ARMC3: variants seen among roughly 807,000 people sequenced by gnomAD.
ARMC3 encodes armadillo repeat-containing protein 3.
In ARMC3, 74 loss-of-function variants were observed where a neutral mutation model predicts 90.3. That is an observed-to-expected ratio of 0.82 (90% CI 0.68 to 0.99). ARMC3 has a LOEUF of 0.99. ARMC3 is among the 50% of genes least tolerant of loss of function. The pLI, the probability that ARMC3 is intolerant of heterozygous loss-of-function variation, is 0.00. For synonymous variants in ARMC3, 334 were observed against 361.8 expected (o/e 0.92, Z 0.87); for missense variants, 958 against 1,042.8 (o/e 0.92, Z 1.12).
intron 16 of ARMC3, among the ~76,000 whole-genome samples, chr10:23,011,748 C>T (rs760866158): frequency 1.4e-4 from 22 of 152,172 alleles, no homozygotes; most frequent in Admixed American, 3.9e-4. Flanking sequence ...CCAAATCTGG[C>T]CCCAATTCCA....
chr10:22,942,176 A>G (rs1834349580), intron 2 of ARMC3, among the ~76,000 whole-genome samples: 1 of 152,152 alleles, frequency 6.6e-6, no homozygotes, highest in East Asian at 1.9e-4. Context: ...GAGGGAGTAA[A>G]TGGACTGGGG....
At chr10:22,968,248 T>C in intron 7 of ARMC3, 58 bp from the exon 8 acceptor site, 1 of 1,501,756 alleles carries the variant, frequency 6.7e-7, no homozygotes. Context: ...TGTAGTCAAA[T>C]TTGGGAAGTG....
chr10:22,979,055 A>T lies in ARMC3; in HGVS notation c.917-2285A>T, dbSNP rs574837840. On this transcript the variant is annotated intron_variant, in intron 8 of 18. Transcript: ENST00000298032. ...GGAAGGTGTTAATTACCATGTTGCC[A>T]TGAGGTTTATGAACTGGCATTAACA... Among the ~76,000 whole-genome samples, 5 of 152,344 alleles carry T rather than the reference A, an allele frequency of 3.3e-5. No homozygotes were observed. The East Asian group carries it at 7.7e-4, about 24-fold the overall frequency.
At chr10:22,932,531 C>G (rs990029022) in intron 2 of ARMC3, among the ~76,000 whole-genome samples, 5 of 152,166 alleles carry the variant, frequency 3.3e-5, no homozygotes, top group African/African-American at 1.2e-4. Context: ...ATTCCAAATG[C>G]TAAGTAATTC....
intron 11 of ARMC3, 52 bp from the exon 12 acceptor site, chr10:23,001,867 A>T: frequency 6.4e-7 from 1 of 1,563,698 alleles, no homozygotes; most frequent in South Asian, 1.2e-5. Flanking sequence ...TAAAAGCACA[A>T]ATAGTTACAT....
At chr10:23,004,078 G>A (rs1309143191) in intron 13 of ARMC3, among the ~76,000 whole-genome samples, 1 of 151,254 alleles carries the variant, frequency 6.6e-6, no homozygotes, top group East Asian at 1.9e-4. Flanking sequence ...TGAGCCCAGA[G>A]TTCGAGGATG....
chr10:22,996,574 G>C (rs1836967512), intron 10 of ARMC3, among the ~76,000 whole-genome samples: 1 of 152,212 alleles, frequency 6.6e-6, no homozygotes, highest in Non-Finnish European at 1.5e-5. Context: ...GATGTGGTGT[G>C]TTTGATGGAC....
intron 10 of ARMC3, among the ~76,000 whole-genome samples, chr10:22,992,819 C>T (rs1836768266): frequency 6.6e-6 from 1 of 152,184 alleles, no homozygotes; most frequent in South Asian, 2.1e-4. Context: ...CCAAATCTGG[C>T]TGTGATAACC....
At chr10:22,989,336 C>T (rs1262829200) in intron 10 of ARMC3, among the ~76,000 whole-genome samples, 1 of 152,148 alleles carries the variant, frequency 6.6e-6, no homozygotes, top group East Asian at 1.9e-4. Context: ...AATGTTTTGA[C>T]GCATTCATTG....
At chr10:23,019,239 C>A (rs1358665402) in intron 16 of ARMC3, among the ~76,000 whole-genome samples, 4 of 152,188 alleles carry the variant, frequency 2.6e-5, no homozygotes, top group East Asian at 1.9e-4. Context: ...TGCAGGTCAT[C>A]AAGTCACACC....
At chr10:23,000,167 T>C (rs1037693814) in intron 11 of ARMC3, among the ~76,000 whole-genome samples, 1 of 152,080 alleles carries the variant, frequency 6.6e-6, no homozygotes, top group Non-Finnish European at 1.5e-5. Context: ...TGCACCTGCC[T>C]ACCTAAAGCT....
chr10:22,985,136 C>T (rs1836361743), intron 10 of ARMC3, among the ~76,000 whole-genome samples: 1 of 149,150 alleles, frequency 6.7e-6, no homozygotes, highest in South Asian at 2.1e-4. Context: ...TCAAGCAATC[C>T]TCCTACCTTG....
At chr10:22,975,701 G>A (rs1290991909) in intron 8 of ARMC3, among the ~76,000 whole-genome samples, 2 of 152,056 alleles carry the variant, frequency 1.3e-5, no homozygotes, top group Admixed American at 6.6e-5. Context: ...AAATTTTGCC[G>A]AAATATGTCT....
chr10:22,929,314 AAGAAAG>A, intron 1 of ARMC3, among the ~76,000 whole-genome samples: 1 of 128,398 alleles, frequency 7.8e-6, no homozygotes, highest in African/African-American at 3.6e-5. Context: ...GAAAAAGAAA[AAGAAAG>A]GAAAGGAAAG....
intron 5 of ARMC3, 21 bp downstream of exon 5, chr10:22,959,159 TGTTTTAAA>T (rs1191316085): frequency 2.5e-6 from 4 of 1,597,812 alleles, no homozygotes; most frequent in Non-Finnish European, 2.6e-6. Flanking sequence ...ATTCTATATC[TGTTTTAAA>T]AAATGGAACT....
intron 7 of ARMC3, among the ~76,000 whole-genome samples, chr10:22,963,404 T>C (rs1467517211): frequency 2.6e-5 from 4 of 152,096 alleles, no homozygotes; most frequent in African/African-American, 9.7e-5. Context: ...TATGTATATA[T>C]GTATATATTC....
intron 10 of ARMC3, among the ~76,000 whole-genome samples, chr10:22,984,231 A>G (rs971508378): frequency 5.3e-5 from 8 of 152,248 alleles, no homozygotes; most frequent in African/African-American, 1.9e-4. Context: ...GTGAATTTTT[A>G]AACTCTAATT....
intron 3 of ARMC3, among the ~76,000 whole-genome samples, chr10:22,947,402 GA>G (rs1834575354): frequency 6.6e-6 from 1 of 151,278 alleles, no homozygotes; most frequent in South Asian, 2.1e-4. Context: ...ATGATGTGAT[GA>G]AAATGACACT....
intron 16 of ARMC3, among the ~76,000 whole-genome samples, chr10:23,015,775 C>G (rs1838243343): frequency 6.6e-6 from 1 of 152,186 alleles, no homozygotes; most frequent in South Asian, 2.1e-4. Flanking sequence ...CTTCCTCCCC[C>G]AAATCTTGAC....
Sources: gnomAD v4.1 joint callset for allele counts (sites outside exome capture counted in the v4.1 genomes callset) on GRCh38, gnomAD v4.1.1 for gene constraint, MANE v1.5 for transcripts, NCBI Gene and HGNC (gene_info 2026-07-23, HGNC 2026-07-21) for gene names.